MEIS2: variants seen among roughly 807,000 people sequenced by gnomAD.
MEIS2 encodes the protein Meis homeobox 2, also known as homeobox protein Meis2.
Under a neutral mutation model 58.6 loss-of-function variants are expected in MEIS2, and 9 were observed. The observed-to-expected ratio is 0.15, with a 90% CI of 0.09 to 0.27. MEIS2 has a LOEUF of 0.27. Among genes scored for constraint, MEIS2 ranks in the 10% least tolerant of loss-of-function variants. The pLI, the probability that MEIS2 is intolerant of heterozygous loss-of-function variation, is 1.00. For missense variants in MEIS2, 427 were observed against 635.0 expected (o/e 0.67, Z 3.52); for synonymous variants, 221 against 228.4 (o/e 0.97, Z 0.29).
chr15:36,988,022 G>GT (rs2060148389), intron 8 of MEIS2, among the ~76,000 whole-genome samples: 1 of 152,166 alleles, frequency 6.6e-6, no homozygotes, highest in African/African-American at 2.4e-5. Context: ...CAGAGTTGCA[G>GT]TTATGCAGGA....
At chr15:37,088,972 C>A (rs1430140319) in intron 6 of MEIS2, among the ~76,000 whole-genome samples, 1 of 152,088 alleles carries the variant, frequency 6.6e-6, no homozygotes, top group African/African-American at 2.4e-5. Context: ...TGTTTAATTT[C>A]ATCTCATCAC....
chr15:36,927,032 A>C (rs908255425), intron 9 of MEIS2, among the ~76,000 whole-genome samples: 2 of 152,212 alleles, frequency 1.3e-5, no homozygotes, highest in Non-Finnish European at 2.9e-5. Context: ...AGGTTGGCAA[A>C]AATACAAACT....
At position 37,092,648 on chromosome 15, in the gene MEIS2, C is replaced by G. The variant is rs141783573; in HGVS notation, c.639+933G>C. Among the ~76,000 whole-genome samples the G allele has an allele frequency of 1.5e-3, 193 of 132,166 alleles. No homozygotes were observed. The East Asian group carries it at 0.026, about 18-fold the overall frequency. The allele number at this position is 132,166 out of a possible 152,430, so 86.7% of individuals were successfully genotyped here. On this transcript the variant is annotated intron_variant, in intron 6 of 11. Transcript: ENST00000561208. ...TCTTGCCTTTCCTACCAGCTGCAAT[C>G]TTTCTTCTCTTTGCTTCTTTTTCAA...
intron 6 of MEIS2, among the ~76,000 whole-genome samples, chr15:37,084,549 A>G (rs1331527533): frequency 1.4e-5 from 2 of 147,034 alleles, no homozygotes; most frequent in East Asian, 4.0e-4. Context: ...AAAAGGAAAC[A>G]TGTGTGAACT....
At chr15:37,030,365 T>G (rs2061865801) in intron 8 of MEIS2, among the ~76,000 whole-genome samples, 5 of 152,046 alleles carry the variant, frequency 3.3e-5, no homozygotes, top group African/African-American at 1.2e-4. Context: ...ATTTCCATTT[T>G]TTTTTCTTTT....
intron 7 of MEIS2, among the ~76,000 whole-genome samples, chr15:37,058,047 T>C (rs1888681720): frequency 1.3e-5 from 2 of 152,114 alleles, no homozygotes; most frequent in Non-Finnish European, 2.9e-5. Context: ...TAACAGAAAG[T>C]TTCTCAGGTT....
At chr15:36,929,345 G>T (rs925218819) in intron 9 of MEIS2, among the ~76,000 whole-genome samples, 8 of 152,204 alleles carry the variant, frequency 5.3e-5, no homozygotes, top group African/African-American at 1.7e-4. Context: ...GGCCAAGGCA[G>T]TCTGCTCTGA....
chr15:37,070,289 GA>G (rs1289981438), intron 7 of MEIS2, among the ~76,000 whole-genome samples: 1 of 152,144 alleles, frequency 6.6e-6, no homozygotes, highest in African/African-American at 2.4e-5. Flanking sequence ...AATTGATCCT[GA>G]GCCCATGCTG....
intron 7 of MEIS2, among the ~76,000 whole-genome samples, chr15:37,061,326 T>C (rs984538737): frequency 6.6e-6 from 1 of 152,180 alleles, no homozygotes; most frequent in African/African-American, 2.4e-5. Flanking sequence ...CCAGGTGCCC[T>C]AAGAGAAGGT....
At chr15:37,017,657 TA>T (rs1252020918) in intron 8 of MEIS2, among the ~76,000 whole-genome samples, 5 of 152,050 alleles carry the variant, frequency 3.3e-5, no homozygotes, top group African/African-American at 1.2e-4. Context: ...ATAAGCAGAC[TA>T]AAAAAAGAAA....
intron 8 of MEIS2, among the ~76,000 whole-genome samples, chr15:37,012,659 C>T (rs922692294): frequency 6.6e-6 from 1 of 152,156 alleles, no homozygotes; most frequent in Non-Finnish European, 1.5e-5. Context: ...TATCAATATG[C>T]TACCTAGGGT....
chr15:36,912,135 A>G (rs1163435843), intron 9 of MEIS2, among the ~76,000 whole-genome samples: 1 of 150,842 alleles, frequency 6.6e-6, no homozygotes, highest in East Asian at 2.0e-4. Context: ...AAACCCCAAT[A>G]TAAATACATT....
intron 9 of MEIS2, among the ~76,000 whole-genome samples, chr15:36,914,006 C>T: frequency 6.6e-6 from 1 of 152,204 alleles, no homozygotes; most frequent in Admixed American, 6.5e-5. Context: ...TGGCCACTTC[C>T]TTTCTTCCTG....
At chr15:37,038,433 G>A (rs1222041613) in intron 7 of MEIS2, among the ~76,000 whole-genome samples, 2 of 152,190 alleles carry the variant, frequency 1.3e-5, no homozygotes, top group East Asian at 3.9e-4. Context: ...TTTGACTAGA[G>A]AAGCAGAAAA....
intron 8 of MEIS2, among the ~76,000 whole-genome samples, chr15:36,959,259 A>G (rs966971433): frequency 6.6e-6 from 1 of 152,114 alleles, no homozygotes; most frequent in Non-Finnish European, 1.5e-5. Context: ...TATAGATGCC[A>G]ATATCCAGAT....
intron 11 of MEIS2, chr15:36,894,340 T>A (rs1299897669): frequency 6.8e-6 from 1 of 147,254 alleles, no homozygotes; most frequent in African/African-American, 2.6e-5. Context: ...CTACTTTTCC[T>A]TTTTTTTTTT....
At position 37,055,720 on chromosome 15, in the gene MEIS2, C is replaced by G. The variant is rs376857489; in HGVS notation, c.755-18761G>C. 4.6e-5 allele frequency among the ~76,000 whole-genome samples: 7 copies of G among 152,270 alleles called. No individual in the cohort carries two copies. The East Asian group carries it at 7.7e-4, about 17-fold the overall frequency. Reference sequence around the variant, plus strand: ...GGTTCACTAAGTACGGAAAGCTCGGCCCTGGTGAATATGGGTCAGGTTTGT... The same window carrying G: ...GGTTCACTAAGTACGGAAAGCTCGGGCCTGGTGAATATGGGTCAGGTTTGT... On this transcript the variant is annotated intron_variant, in intron 7 of 11. Transcript: ENST00000561208.
intron 8 of MEIS2, among the ~76,000 whole-genome samples, chr15:36,960,115 T>C (rs1483891856): frequency 6.6e-6 from 1 of 152,180 alleles, no homozygotes; most frequent in Non-Finnish European, 1.5e-5. Flanking sequence ...CCTGTTCAAT[T>C]TTACTTGCAC....
chr15:37,007,778 A>C (rs1238782548), intron 8 of MEIS2, among the ~76,000 whole-genome samples: 1 of 152,226 alleles, frequency 6.6e-6, no homozygotes, highest in Non-Finnish European at 1.5e-5. Context: ...ATCTAAGATT[A>C]ATGTCCATAA....
Sources: gnomAD v4.1 joint callset for allele counts (sites outside exome capture counted in the v4.1 genomes callset) on GRCh38, gnomAD v4.1.1 for gene constraint, MANE v1.5 for transcripts, NCBI Gene and HGNC (gene_info 2026-07-23, HGNC 2026-07-21) for gene names.